Variants in CTNNA2 observed in about 807,000 individuals in gnomAD.
CTNNA2 encodes the protein catenin alpha-2.
A neutral mutation model predicts 101.0 loss-of-function variants in CTNNA2; 42 were observed. The ratio of observed to expected loss-of-function variants is 0.42; its 90% CI spans 0.32 to 0.54. The LOEUF is 0.54. Among genes scored for constraint, CTNNA2 ranks in the 20% least tolerant of loss-of-function variants. The probability of loss-of-function intolerance (pLI) is 0.14; values close to 1 mark genes in which losing one functional copy is unlikely to be tolerated. For missense variants in CTNNA2, 871 were observed against 1,223.1 expected (o/e 0.71, Z 4.29); for synonymous variants, 450 against 456.4 (o/e 0.99, Z 0.18).
At chr2:80,133,455 T>C (rs1328991356) in intron 7 of CTNNA2, among the ~76,000 whole-genome samples, 3 of 152,016 alleles carry the variant, frequency 2.0e-5, no homozygotes, top group African/African-American at 7.2e-5. Context: ...ACTCATAATA[T>C]GGAAATAGGT....
intron 9 of CTNNA2, among the ~76,000 whole-genome samples, chr2:80,427,611 C>A (rs1209204266): frequency 6.6e-6 from 1 of 152,206 alleles, no homozygotes; most frequent in Admixed American, 6.5e-5. Context: ...GACTTAGTTA[C>A]TCCTGATAGC....
intron 3 of CTNNA2, among the ~76,000 whole-genome samples, chr2:79,853,460 A>G (rs1033375156): frequency 6.6e-6 from 1 of 152,060 alleles, no homozygotes; most frequent in Non-Finnish European, 1.5e-5. Context: ...GCTTTTCACC[A>G]CACATTTTTC....
chr2:79,192,434 T>A (rs1035443632), intron 1 of CTNNA2, among the ~76,000 whole-genome samples: 13 of 152,126 alleles, frequency 8.5e-5, no homozygotes, highest in Non-Finnish European at 1.0e-4. Context: ...TTAAACTACA[T>A]CAGGCCATGA....
intron 18 of CTNNA2, among the ~76,000 whole-genome samples, chr2:80,644,222 T>G (rs991397062): frequency 1.4e-4 from 21 of 152,108 alleles, no homozygotes; most frequent in African/African-American, 5.1e-4. Flanking sequence ...CCTCACTTAT[T>G]AAATGGGGAG....
At chr2:80,611,723 A>C (rs216675) in intron 17 of CTNNA2, among the ~76,000 whole-genome samples, 1 of 151,376 alleles carries the variant, frequency 6.6e-6, no homozygotes, top group Non-Finnish European at 1.5e-5. Context: ...GAACAATATT[A>C]GAAATACTAA....
intron 14 of CTNNA2, chr2:80,586,582 A>G (rs115350400): frequency 6.6e-6 from 1 of 152,200 alleles, no homozygotes; most frequent in East Asian, 1.9e-4. Flanking sequence ...TCTGTAAATC[A>G]AACATATCTC....
chr2:80,281,239 G>C (rs1205372628), intron 7 of CTNNA2, among the ~76,000 whole-genome samples: 2 of 152,098 alleles, frequency 1.3e-5, no homozygotes, highest in Non-Finnish European at 2.9e-5. Flanking sequence ...CAAGGCTCAG[G>C]CCAGGGTTAT....
intron 7 of CTNNA2, among the ~76,000 whole-genome samples, chr2:80,262,585 G>T (rs318366): frequency 1.3e-5 from 2 of 151,728 alleles, no homozygotes; most frequent in South Asian, 4.2e-4. Context: ...GCTTAGGCCT[G>T]TAATGTGGTC....
chr2:80,459,189 A>C (rs1684223599), intron 9 of CTNNA2, among the ~76,000 whole-genome samples: 1 of 152,136 alleles, frequency 6.6e-6, no homozygotes, highest in South Asian at 2.1e-4. Context: ...CAATGATGAA[A>C]CCACCTAAGG....
intron 4 of CTNNA2, among the ~76,000 whole-genome samples, chr2:79,422,199 T>C (rs1678547317): frequency 6.6e-6 from 1 of 152,020 alleles, no homozygotes; most frequent in African/African-American, 2.4e-5. Flanking sequence ...GCTATAGGTG[T>C]GCATGCATTC....
intron 4 of CTNNA2, among the ~76,000 whole-genome samples, chr2:79,491,573 C>G (rs1671207522): frequency 6.6e-6 from 1 of 152,066 alleles, no homozygotes; most frequent in Non-Finnish European, 1.5e-5. Context: ...TAGACAGGGT[C>G]CAGAGGAAAG....
chr2:79,900,243 G>C (rs949547143), intron 6 of CTNNA2, among the ~76,000 whole-genome samples: 4 of 152,070 alleles, frequency 2.6e-5, no homozygotes, highest in African/African-American at 9.7e-5. Flanking sequence ...ACTGGGAGAG[G>C]CTGCCTCAGG....
At chr2:80,144,100 A>C (rs1017216243) in intron 7 of CTNNA2, among the ~76,000 whole-genome samples, 6 of 152,166 alleles carry the variant, frequency 3.9e-5, no homozygotes, top group Non-Finnish European at 5.9e-5. Flanking sequence ...TGCCCCGTGC[A>C]ATCTTTTAGC....
chr2:80,169,308 G>A (rs754728022), intron 7 of CTNNA2, among the ~76,000 whole-genome samples: 15 of 152,154 alleles, frequency 9.9e-5, no homozygotes, highest in Non-Finnish European at 1.5e-4. Context: ...AGCTGGGATC[G>A]GAGGGGAGAG....
intron 2 of CTNNA2, among the ~76,000 whole-genome samples, chr2:79,309,365 C>G (rs911333857): frequency 2.0e-5 from 3 of 152,112 alleles, no homozygotes; most frequent in African/African-American, 4.8e-5. Flanking sequence ...GTTTAAAAAT[C>G]TCAATTGGCT....
chr2:80,339,174 C>CGT (rs112205278), intron 7 of CTNNA2, among the ~76,000 whole-genome samples: 3,513 of 151,924 alleles, frequency 0.023, 56 homozygotes, highest in Middle Eastern at 0.044. Flanking sequence ...AATAATATAA[C>CGT]GTGTGTGTGT....
At chr2:79,370,654 C>T (rs749783020) in intron 3 of CTNNA2, among the ~76,000 whole-genome samples, 7 of 151,402 alleles carry the variant, frequency 4.6e-5, no homozygotes, top group Non-Finnish European at 7.4e-5. Context: ...AGGCATAGAA[C>T]CCACTGAGAA....
intron 2 of CTNNA2, among the ~76,000 whole-genome samples, chr2:79,219,367 C>A (rs921731626): frequency 6.6e-6 from 1 of 152,102 alleles, no homozygotes; most frequent in African/African-American, 2.4e-5. Context: ...TGTTTTATTT[C>A]GCACCGTCCT....
chr2:79,883,870 A>G (rs1683640930), intron 6 of CTNNA2, among the ~76,000 whole-genome samples: 1 of 152,176 alleles, frequency 6.6e-6, no homozygotes, highest in South Asian at 2.1e-4. Context: ...TTGTCATTAC[A>G]TTAGAAAGGT....
Sources: gnomAD v4.1 joint callset for allele counts (sites outside exome capture counted in the v4.1 genomes callset) on GRCh38, gnomAD v4.1.1 for gene constraint, MANE v1.5 for transcripts, NCBI Gene and HGNC (gene_info 2026-07-23, HGNC 2026-07-21) for gene names.